The following ROBO1 variants were observed in gnomAD, a reference collection of about 807,000 sequenced individuals.
The protein encoded by ROBO1 is roundabout homolog 1.
In ROBO1, 149 loss-of-function variants were observed where a neutral mutation model predicts 195.9. The ratio of observed to expected loss-of-function variants is 0.76; its 90% CI spans 0.67 to 0.87. The LOEUF (loss-of-function observed/expected upper bound fraction) is 0.87. Ranked by LOEUF, ROBO1 falls within the 40% of genes least tolerant of loss-of-function variation. ROBO1 has a pLI of 0.00. For synonymous variants in ROBO1, 816 were observed against 733.2 expected (o/e 1.11, Z -1.82); for missense variants, 1,933 against 2,068.3 (o/e 0.93, Z 1.27).
intron 3 of ROBO1, among the ~76,000 whole-genome samples, chr3:79,118,653 A>C (rs571391718): frequency 2.0e-5 from 3 of 152,182 alleles, no homozygotes; most frequent in Non-Finnish European, 4.4e-5. Flanking sequence ...GTGGATCATG[A>C]GGTCAGGAGA....
intron 2 of ROBO1, among the ~76,000 whole-genome samples, chr3:79,534,700 G>A (rs1280634675): frequency 6.6e-6 from 1 of 152,160 alleles, no homozygotes; most frequent in East Asian, 1.9e-4. Context: ...CTCAGCCTCC[G>A]GGGCTGTTGT....
At chr3:79,077,425 CTATA>C (rs1359854724) in intron 3 of ROBO1, among the ~76,000 whole-genome samples, 1 of 151,796 alleles carries the variant, frequency 6.6e-6, no homozygotes, top group Non-Finnish European at 1.5e-5. Context: ...ATGTATACAT[CTATA>C]TACACAGACA....
chr3:78,977,590 AAT>A (rs144619040), intron 3 of ROBO1, among the ~76,000 whole-genome samples: 1 of 150,522 alleles, frequency 6.6e-6, no homozygotes, highest in Admixed American at 6.6e-5. Context: ...TCAAGCAGTC[AAT>A]ATATATATAA....
intron 4 of ROBO1, among the ~76,000 whole-genome samples, chr3:78,793,167 G>GGGAAA (rs2084077818): frequency 6.6e-6 from 1 of 150,986 alleles, no homozygotes; most frequent in South Asian, 2.1e-4. Context: ...GAAAGAGAAA[G>GGGAAA]GGAAAGGAAA....
At chr3:79,525,539 G>GATATATATATATATATATATATAAAT (rs367662211) in intron 2 of ROBO1, among the ~76,000 whole-genome samples, 3 of 140,910 alleles carry the variant, frequency 2.1e-5, no homozygotes, top group Admixed American at 7.2e-5. Context: ...TTATACTTCA[G>GATATATATATATATATATATATAAAT]ATATATATAT....
At chr3:79,755,671 A>G (rs1453700781) in intron 1 of ROBO1, among the ~76,000 whole-genome samples, 1 of 152,220 alleles carries the variant, frequency 6.6e-6, no homozygotes, top group Non-Finnish European at 1.5e-5. Flanking sequence ...AGAAGAAAAA[A>G]AAACAAGAGG....
intron 2 of ROBO1, among the ~76,000 whole-genome samples, chr3:79,551,708 G>A (rs569572270): frequency 7.5e-4 from 114 of 152,022 alleles, no homozygotes; most frequent in South Asian, 3.7e-3. Flanking sequence ...CCTAGTGACT[G>A]TGATATCCCT....
chr3:79,064,114 C>T (rs1163595968), intron 3 of ROBO1, among the ~76,000 whole-genome samples: 1 of 151,878 alleles, frequency 6.6e-6, no homozygotes, highest in Non-Finnish European at 1.5e-5. Flanking sequence ...AAAAAAATTA[C>T]AAATGTTTAA....
At chr3:79,458,607 G>T (rs926277978) in intron 2 of ROBO1, among the ~76,000 whole-genome samples, 1 of 151,674 alleles carries the variant, frequency 6.6e-6, no homozygotes, top group African/African-American at 2.4e-5. Context: ...GGAGAAAAAA[G>T]CAAAAATACG....
intron 2 of ROBO1, among the ~76,000 whole-genome samples, chr3:79,142,390 A>C (rs1316593705): frequency 2.0e-5 from 3 of 152,158 alleles, no homozygotes; most frequent in African/African-American, 7.2e-5. Flanking sequence ...TCTGGGAGTC[A>C]AGTGAGATGT....
intron 4 of ROBO1, among the ~76,000 whole-genome samples, chr3:78,879,999 A>C (rs902915013): frequency 2.0e-5 from 3 of 152,190 alleles, no homozygotes; most frequent in Non-Finnish European, 4.4e-5. Flanking sequence ...ACAGTGATAT[A>C]TAATGTATAC....
intron 2 of ROBO1, among the ~76,000 whole-genome samples, chr3:79,362,883 C>T (rs539896859): frequency 7.2e-5 from 11 of 152,110 alleles, no homozygotes; most frequent in Admixed American, 2.6e-4. Context: ...CTTCATAGCC[C>T]GGGAGATAAG....
At chr3:79,056,729 C>T (rs1016250067) in intron 3 of ROBO1, among the ~76,000 whole-genome samples, 13 of 152,016 alleles carry the variant, frequency 8.6e-5, no homozygotes, top group Non-Finnish European at 1.6e-4. Flanking sequence ...GAATCCAGAC[C>T]GCCCAGTTAT....
In ROBO1 at chr3:79,637,106, G is replaced by A. The variant is rs569207450; in HGVS notation, c.-50-47145C>T. On this transcript the variant is annotated intron_variant, in intron 1 of 30. Transcript: ENST00000464233. ...CCCAATAAACCACATGTGTCCAGAC[G>A]CTATGGTAATTGGGCAGCCCAATGA... 7.9e-5 allele frequency among the ~76,000 whole-genome samples: 12 copies of A among 152,258 alleles called. No individual in the cohort carries two copies. The South Asian group carries it at 2.1e-3, about 26-fold the overall frequency.
chr3:79,667,688 T>C (rs1576203074), intron 1 of ROBO1, among the ~76,000 whole-genome samples: 1 of 151,972 alleles, frequency 6.6e-6, no homozygotes, highest in East Asian at 1.9e-4. Flanking sequence ...GATATAAAGA[T>C]ATCAGAGATT....
At chr3:79,062,159 A>T (rs1438608489) in intron 3 of ROBO1, among the ~76,000 whole-genome samples, 2 of 151,764 alleles carry the variant, frequency 1.3e-5, no homozygotes, top group African/African-American at 4.8e-5. Context: ...AACGAGAAAA[A>T]AAACAAACCC....
At chr3:79,011,563 C>G (rs999227167) in intron 3 of ROBO1, among the ~76,000 whole-genome samples, 2 of 151,864 alleles carry the variant, frequency 1.3e-5, no homozygotes, top group African/African-American at 4.8e-5. Context: ...GGGCTTCAAT[C>G]ACGTTAGTGC....
intron 3 of ROBO1, among the ~76,000 whole-genome samples, chr3:79,086,166 ATAT>A (rs1464341028): frequency 6.6e-6 from 1 of 151,950 alleles, no homozygotes; most frequent in African/African-American, 2.4e-5. Flanking sequence ...GAGGACAATA[ATAT>A]TGTATCCAAA....
chr3:78,954,066 C>G (rs1181138887), intron 3 of ROBO1, among the ~76,000 whole-genome samples: 3 of 151,634 alleles, frequency 2.0e-5, no homozygotes, highest in Non-Finnish European at 4.4e-5. Flanking sequence ...TTAAGTTGAG[C>G]ATTCAACTTA....
Sources: allele counts gnomAD v4.1 joint callset (sites outside exome capture counted in the v4.1 genomes callset), GRCh38; gene constraint gnomAD v4.1.1; transcripts MANE v1.5; gene names NCBI Gene and HGNC (gene_info 2026-07-23, HGNC 2026-07-21).